The following SENP7 variants were observed in gnomAD, a reference collection of about 807,000 sequenced individuals.
SENP7 encodes SUMO specific peptidase 7, also known as sentrin-specific protease 7.
In SENP7, 64 loss-of-function variants were observed where a neutral mutation model predicts 141.2. That is an observed-to-expected ratio of 0.45 (90% confidence interval 0.37 to 0.56). The LOEUF (loss-of-function observed/expected upper bound fraction) is 0.56. SENP7 is among the 20% of genes least tolerant of loss of function. The pLI, the probability that SENP7 is intolerant of heterozygous loss-of-function variation, is 0.00. For synonymous variants in SENP7, 382 were observed against 426.4 expected (o/e 0.90, Z 1.28); for missense variants, 1,025 against 1,212.2 (o/e 0.85, Z 2.29).
At chr3:101,485,488 G>T (rs2064691278) in intron 3 of SENP7, among the ~76,000 whole-genome samples, 1 of 152,076 alleles carries the variant, frequency 6.6e-6, no homozygotes, top group South Asian at 2.1e-4. Context: ...CTCGCTGGGT[G>T]GCTAGACCCA....
intron 4 of SENP7, among the ~76,000 whole-genome samples, chr3:101,418,541 T>C (rs1354029038): frequency 2.6e-5 from 4 of 152,182 alleles, no homozygotes; most frequent in Non-Finnish European, 5.9e-5. Context: ...CTGAAAGTAC[T>C]GGGAAATGTT....
Position 101,341,644 on chromosome 3 carries a change from A to G in SENP7, c.2240+2T>C. On this transcript the variant is annotated splice_donor_variant, in intron 15 of 23. Transcript: ENST00000394095. LOFTEE classifies it high-confidence loss of function. ...CTACAAACATGCTATGACAGTACAT[A>G]CTTCTGAACAAGTCCAGTGTGCCTG... 1 of 1,586,124 alleles carries G rather than the reference A, an allele frequency of 6.3e-7. No homozygotes were observed. The highest frequency in any genetic ancestry group is 8.6e-7 in the Non-Finnish European group (1 of 1,160,112).
At position 101,393,776 on chromosome 3, in the gene SENP7, T is replaced by G. The variant is rs2682385; in HGVS notation, c.677+5085A>C. Among the ~76,000 whole-genome samples the G allele has an allele frequency of 2.0e-3, 307 of 152,290 alleles. 1 individual carries two copies. Among genetic ancestry groups the G allele is most frequent in the African/African-American group, 7.0e-3 (289 of 41,570 alleles). ...AGCTTCTAGTGAGGGCTTCCTGCTCTTCATAGCATGGTAGAAAAGTGTAAG... is the reference window on the plus strand; with the variant it reads ...AGCTTCTAGTGAGGGCTTCCTGCTCGTCATAGCATGGTAGAAAAGTGTAAG... On this transcript the variant is annotated intron_variant, in intron 6 of 23. Coordinates refer to ENST00000394095, the MANE Select transcript of SENP7 (RefSeq NM_020654.5).
At chr3:101,509,544 G>A (rs969764475) in intron 1 of SENP7, among the ~76,000 whole-genome samples, 1 of 152,148 alleles carries the variant, frequency 6.6e-6, no homozygotes, top group Non-Finnish European at 1.5e-5. Flanking sequence ...AGTTGTATGT[G>A]ATTTAAGACC....
intron 11 of SENP7, among the ~76,000 whole-genome samples, chr3:101,361,310 C>T (rs1576086933): frequency 6.6e-6 from 1 of 151,624 alleles, no homozygotes; most frequent in African/African-American, 2.4e-5. Context: ...ATTAGAAAAA[C>T]AGCGTAGGAT....
intron 1 of SENP7, among the ~76,000 whole-genome samples, chr3:101,506,019 A>ATTTTTTTTTTTTTTTTT (rs143265103): frequency 7.0e-6 from 1 of 142,126 alleles, no homozygotes. Context: ...TTTATTCCAT[A>ATTTTTTTTTTTTTTTTT]ATTTTTTTTT....
At chr3:101,393,852 A>G (rs187068317) in intron 6 of SENP7, among the ~76,000 whole-genome samples, 34 of 152,316 alleles carry the variant, frequency 2.2e-4, no homozygotes, top group East Asian at 1.5e-3. Context: ...GGTTTATAAC[A>G]ACTCATTCTC....
chr3:101,487,975 G>A (rs978712499), intron 3 of SENP7, among the ~76,000 whole-genome samples: 5 of 152,094 alleles, frequency 3.3e-5, no homozygotes, highest in Non-Finnish European at 7.4e-5. Flanking sequence ...TTTTAGAATA[G>A]TTTCTTCTAA....
At chr3:101,458,865 C>A in intron 4 of SENP7, 90 bp downstream of exon 4, 1 of 685,072 alleles carries the variant, frequency 1.5e-6, no homozygotes, top group South Asian at 2.4e-5. Context: ...AACATGTGGT[C>A]ATAATTGAGA....
At chr3:101,428,044 G>C (rs1343327140) in intron 4 of SENP7, among the ~76,000 whole-genome samples, 1 of 152,276 alleles carries the variant, frequency 6.6e-6, no homozygotes, top group Non-Finnish European at 1.5e-5. Flanking sequence ...TTTTATGGCT[G>C]CATAGTATTC....
intron 4 of SENP7, among the ~76,000 whole-genome samples, chr3:101,445,214 C>T (rs749446513): frequency 6.6e-6 from 1 of 152,010 alleles, no homozygotes; most frequent in Non-Finnish European, 1.5e-5. Context: ...AGCTACCAGC[C>T]AAGAATGACA....
chr3:101,347,979 T>C lies in SENP7; in HGVS notation c.1730A>G (p.Asp577Gly). The change falls in exon 13 of 24, where the codon GAT (aspartate) becomes GGT (glycine). Residue 577 changes from aspartate to glycine, a missense_variant. Physicochemically the swap from Asp to Gly is moderately conservative, Grantham distance 94. This residue lies in a region of SENP7 where 228 missense variants were observed against 228.5 expected (regional missense o/e 1.00). Coordinates refer to ENST00000394095, the MANE Select transcript of SENP7 (RefSeq NM_020654.5). The stretch of plus-strand genomic sequence containing the variant: ...ATGACTCCTTTTACTGTGATTATCA[T>C]CCTTACTTTTCCATAACCCAAACCG... ...LKRFGLWKSK[D>G]DNHSKRSHAI... 2 of 1,611,672 alleles carry C rather than the reference T, an allele frequency of 1.2e-6. No homozygotes were observed. The highest frequency in any genetic ancestry group is 1.7e-6 in the Non-Finnish European group (2 of 1,178,352).
At chr3:101,334,808 A>C (rs1349260715) in intron 17 of SENP7, among the ~76,000 whole-genome samples, 1 of 152,188 alleles carries the variant, frequency 6.6e-6, no homozygotes. Context: ...TTGATTGAGA[A>C]TATATTAGAC....
intron 3 of SENP7, among the ~76,000 whole-genome samples, chr3:101,467,826 G>A (rs1284800295): frequency 6.6e-6 from 1 of 152,180 alleles, no homozygotes; most frequent in Non-Finnish European, 1.5e-5. Flanking sequence ...CTCCTCACCA[G>A]CAACGGAACA....
In SENP7 at chr3:101,337,594, C is replaced by G; in HGVS notation, c.2395G>C (p.Glu799Gln). Residue 799 changes from glutamate (E) to glutamine (Q), a missense_variant, in exon 17 of 24, where the codon GAA becomes CAA. Glu to Gln is a conservative substitution (Grantham distance 29). Transcript: ENST00000394095. ...ILEKASDELV[E>Q]RSHIFSSFFY... is the part of the protein sequence containing the mutation. ...AAGCTACTAAAAATGTGACTTCGTT[C>G]AACAAGTTCATCTGATGCCTTCTCC... 6.2e-7 allele frequency: 1 copy of G among 1,605,818 alleles called. No homozygotes were observed. Among genetic ancestry groups the G allele is most frequent in the South Asian group, 1.1e-5 (1 of 89,650 alleles).
intron 4 of SENP7, among the ~76,000 whole-genome samples, chr3:101,453,392 T>C (rs2063223497): frequency 1.3e-5 from 2 of 152,204 alleles, no homozygotes. Context: ...TTATAAATCA[T>C]GCTGCAATAA....
chr3:101,464,364 C>T (rs1011580882), intron 3 of SENP7, among the ~76,000 whole-genome samples: 2 of 152,182 alleles, frequency 1.3e-5, no homozygotes, highest in Admixed American at 1.3e-4. Context: ...CCAGGCCGCA[C>T]AGCAGGAGGT....
chr3:101,334,845 A>C (rs899073200), intron 17 of SENP7, among the ~76,000 whole-genome samples: 1 of 152,186 alleles, frequency 6.6e-6, no homozygotes, highest in Non-Finnish European at 1.5e-5. Context: ...AGGATAGGAG[A>C]GAATATGAGG....
intron 6 of SENP7, among the ~76,000 whole-genome samples, chr3:101,379,087 A>G (rs1194649308): frequency 6.6e-6 from 1 of 152,150 alleles, no homozygotes; most frequent in South Asian, 2.1e-4. Context: ...CCTCAAATAC[A>G]TGGTCAAATG....
Sources: gnomAD v4.1 joint callset for allele counts (sites outside exome capture counted in the v4.1 genomes callset) on GRCh38, gnomAD v4.1.1 for gene constraint, gnomAD v4.1.1 regional missense constraint, MANE v1.5 for transcripts, NCBI Gene and HGNC (gene_info 2026-07-23, HGNC 2026-07-21) for gene names.